The following ENPP6 variants were observed in gnomAD, a reference collection of about 807,000 sequenced individuals.
The protein encoded by ENPP6 is ectonucleotide pyrophosphatase/phosphodiesterase 6.
A neutral mutation model predicts 42.0 loss-of-function variants in ENPP6; 32 were observed. That is an observed-to-expected ratio of 0.76 (90% confidence interval 0.58 to 1.02). ENPP6 has a LOEUF of 1.02. Ranked by LOEUF, ENPP6 falls within the 50% of genes least tolerant of loss-of-function variation. The pLI is 0.00. For missense variants in ENPP6, 552 were observed against 566.8 expected (o/e 0.97, Z 0.27); for synonymous variants, 213 against 216.0 (o/e 0.99, Z 0.12).
At chr4:184,117,071 A>C (rs752874601) in intron 4 of ENPP6, 36 bp from the exon 5 acceptor site, 1 of 1,611,820 alleles carries the variant, frequency 6.2e-7, no homozygotes, top group South Asian at 1.1e-5. Context: ...TACGGCACCA[A>C]CAGAGAGGCT....
At chr4:184,198,578 A>G (rs1480091032) in intron 1 of ENPP6, among the ~76,000 whole-genome samples, 4 of 152,224 alleles carry the variant, frequency 2.6e-5, no homozygotes, top group Admixed American at 1.3e-4. Context: ...GCAAGTCTGC[A>G]GTGCAGACTG....
chr4:184,117,986 G>GT, intron 3 of ENPP6, 86 bp from the exon 4 acceptor site: 1 of 1,481,058 alleles, frequency 6.8e-7, no homozygotes, highest in Non-Finnish European at 9.0e-7. Context: ...CTCTGAAGGT[G>GT]TTCACGCCCC....
At chr4:184,111,914 C>G (rs1448836541) in intron 6 of ENPP6, among the ~76,000 whole-genome samples, 1 of 152,240 alleles carries the variant, frequency 6.6e-6, no homozygotes, top group Non-Finnish European at 1.5e-5. Flanking sequence ...CAGCTACTCT[C>G]ATGTACCCTG....
chr4:184,145,853 G>A (rs1736909475), intron 2 of ENPP6, among the ~76,000 whole-genome samples: 1 of 152,142 alleles, frequency 6.6e-6, no homozygotes, highest in Admixed American at 6.5e-5. Flanking sequence ...AAACCCATAG[G>A]GGCCAGTGAC....
intron 5 of ENPP6, among the ~76,000 whole-genome samples, chr4:184,114,583 C>A (rs745696244): frequency 6.6e-6 from 1 of 152,120 alleles, no homozygotes; most frequent in African/African-American, 2.4e-5. Context: ...CGTCACATGA[C>A]AAACTGTCGC....
intron 1 of ENPP6, among the ~76,000 whole-genome samples, chr4:184,176,003 G>T (rs1388252026): frequency 1.3e-5 from 2 of 151,976 alleles, no homozygotes; most frequent in Non-Finnish European, 1.5e-5. Flanking sequence ...TGCCCAGGCT[G>T]ATCTCACACT....
At chr4:184,167,930 G>C (rs1035477458) in intron 1 of ENPP6, among the ~76,000 whole-genome samples, 4 of 152,184 alleles carry the variant, frequency 2.6e-5, no homozygotes, top group African/African-American at 9.7e-5. Flanking sequence ...CAGATAATCT[G>C]CTTTAGGGAT....
At chr4:184,185,167 T>C in intron 1 of ENPP6, among the ~76,000 whole-genome samples, 1 of 152,352 alleles carries the variant, frequency 6.6e-6, no homozygotes, top group Admixed American at 6.5e-5. Flanking sequence ...AACATCCCTG[T>C]CTTCAGAGTA....
chr4:184,175,679 T>G (rs947050423), intron 1 of ENPP6, among the ~76,000 whole-genome samples: 1 of 152,194 alleles, frequency 6.6e-6, no homozygotes, highest in Non-Finnish European at 1.5e-5. Context: ...TGATGAGATC[T>G]TGTTCTGGAG....
intron 2 of ENPP6, among the ~76,000 whole-genome samples, chr4:184,131,629 G>C (rs574952808): frequency 1.3e-5 from 2 of 151,614 alleles, no homozygotes; most frequent in Admixed American, 6.6e-5. Context: ...CTCCCAAAGT[G>C]CTGGGATCAC....
intron 2 of ENPP6, among the ~76,000 whole-genome samples, chr4:184,150,867 A>G (rs4241790): frequency 6.6e-6 from 1 of 152,194 alleles, no homozygotes; most frequent in East Asian, 1.9e-4. Context: ...AACACTGTAA[A>G]TGATCTTAAG....
chr4:184,113,906 T>TCTTTCTTTCTTC (rs1736259284), intron 5 of ENPP6, among the ~76,000 whole-genome samples: 2 of 101,598 alleles, frequency 2.0e-5, no homozygotes, highest in Non-Finnish European at 4.2e-5. Context: ...TTCTTTTCTT[T>TCTTTCTTTCTTC]CTTTCTTTCT....
intron 3 of ENPP6, among the ~76,000 whole-genome samples, chr4:184,120,220 C>T (rs925035623): frequency 1.3e-5 from 2 of 152,160 alleles, no homozygotes; most frequent in African/African-American, 4.8e-5. Flanking sequence ...CTGTACTCTA[C>T]AGGGAGGAGG....
chr4:184,112,604 A>C, intron 6 of ENPP6, 68 bp downstream of exon 6: 1 of 1,527,190 alleles, frequency 6.5e-7, no homozygotes, highest in Non-Finnish European at 8.8e-7. Flanking sequence ...TTGAGTAACT[A>C]TTATTTAACT....
At chr4:184,203,050 C>A (rs1174903803) in intron 1 of ENPP6, among the ~76,000 whole-genome samples, 3 of 151,720 alleles carry the variant, frequency 2.0e-5, no homozygotes, top group Non-Finnish European at 4.4e-5. Context: ...TTGAGACCAG[C>A]TTGGCCAACA....
At chr4:184,092,065 T>G (rs1735814043) in intron 7 of ENPP6, among the ~76,000 whole-genome samples, 1 of 152,192 alleles carries the variant, frequency 6.6e-6, no homozygotes. Flanking sequence ...TGTCTTGCCC[T>G]TAACCAAATT....
rs561950988 is a variant in ENPP6 at position 184,154,418 on chromosome 4, C to T, written c.242-685G>A. Among the ~76,000 whole-genome samples the T allele has an allele frequency of 2.0e-5, 3 of 152,242 alleles. No individual in the cohort carries two copies. In the South Asian group the frequency reaches 6.2e-4, roughly 32 times the overall value. The stretch of plus-strand genomic sequence containing the variant: ...TAGGCTTAAATTATTTATTTTGGAG[C>T]AATCTGTTACATCTTTAAAGTAAAA... On this transcript the variant is annotated intron_variant, in intron 1 of 7. Coordinates refer to ENST00000296741, the MANE Select transcript of ENPP6 (RefSeq NM_153343.4).
chr4:184,101,108 G>C (rs1735992610), intron 6 of ENPP6, among the ~76,000 whole-genome samples: 1 of 152,120 alleles, frequency 6.6e-6, no homozygotes, highest in Non-Finnish European at 1.5e-5. Context: ...GGACGCAGCT[G>C]TGTGCATGCA....
intron 6 of ENPP6, among the ~76,000 whole-genome samples, chr4:184,102,636 T>C (rs1347751040): frequency 6.6e-6 from 1 of 152,194 alleles, no homozygotes; most frequent in African/African-American, 2.4e-5. Context: ...TTGAAATCTG[T>C]CTTCTCTGCC....
Sources: allele counts gnomAD v4.1 joint callset (sites outside exome capture counted in the v4.1 genomes callset), GRCh38; gene constraint gnomAD v4.1.1; transcripts MANE v1.5; gene names NCBI Gene and HGNC (gene_info 2026-07-23, HGNC 2026-07-21).